The following RAP1GAP2 variants were observed in gnomAD, a reference collection of about 807,000 sequenced individuals.
RAP1GAP2 encodes the protein RAP1 GTPase activating protein 2, also known as rap1 GTPase-activating protein 2.
Under a neutral mutation model 95.0 loss-of-function variants are expected in RAP1GAP2, and 27 were observed. The ratio of observed to expected loss-of-function variants is 0.28; its 90% CI spans 0.21 to 0.39. The LOEUF is 0.39. RAP1GAP2 is among the 10% of genes least tolerant of loss of function. The pLI, the probability that RAP1GAP2 is intolerant of heterozygous loss-of-function variation, is 1.00. For synonymous variants in RAP1GAP2, 373 were observed against 380.9 expected (o/e 0.98, Z 0.24); for missense variants, 771 against 970.0 (o/e 0.79, Z 2.72).
At chr17:2,883,656 A>G (rs564251651) in intron 2 of RAP1GAP2, among the ~76,000 whole-genome samples, 6 of 152,030 alleles carry the variant, frequency 3.9e-5, no homozygotes, top group East Asian at 3.9e-4. Context: ...TGTCTCTTCT[A>G]TCTGCGGCCT....
At chr17:2,978,278 G>T (rs1034394278) in intron 8 of RAP1GAP2, among the ~76,000 whole-genome samples, 9 of 152,122 alleles carry the variant, frequency 5.9e-5, no homozygotes, top group African/African-American at 2.2e-4. Flanking sequence ...TATCCAAAGT[G>T]CCAGCCTCAC....
chr17:3,006,887 G>A (rs971202422), intron 16 of RAP1GAP2, among the ~76,000 whole-genome samples: 34 of 152,268 alleles, frequency 2.2e-4, no homozygotes, highest in Admixed American at 2.2e-3. Context: ...TTATAGTACA[G>A]TGTGCCAGCA....
At position 2,965,242 on chromosome 17, in the gene RAP1GAP2, G is replaced by A. The variant is rs1408682271; in HGVS notation, c.493-298G>A. 2.4e-6 allele frequency: 1 copy of A among 421,158 alleles called. No homozygotes were observed. The highest frequency in any genetic ancestry group is 2.0e-5 in the African/African-American group (1 of 49,970). The allele number at this position is 421,158 out of a possible 1,614,324, so 26.1% of individuals were successfully genotyped here. A position where few individuals can be genotyped will look rare whatever the true frequency, so the allele number is the denominator to read the frequency against. On this transcript the variant is annotated intron_variant, in intron 7 of 24. Coordinates refer to ENST00000254695, the MANE Select transcript of RAP1GAP2 (RefSeq NM_015085.5). This position sits in a 1 kb window ranked among gnomAD's most constrained non-coding sequence, Gnocchi z 4.7. ...CTTACTCATCGTGTCATCCTGGGCA[G>A]TGACTTAACCCCCCGACCATTGGTT... is the stretch of plus-strand genomic sequence containing the variant.
chr17:2,862,197 T>C (rs1030513502), intron 2 of RAP1GAP2, among the ~76,000 whole-genome samples: 4 of 152,310 alleles, frequency 2.6e-5, no homozygotes, highest in Non-Finnish European at 5.9e-5. Context: ...GGGCTCTTCT[T>C]GACACTGCGT....
chr17:2,831,708 G>GGCA (rs1437370737), intron 2 of RAP1GAP2, among the ~76,000 whole-genome samples: 1 of 151,600 alleles, frequency 6.6e-6, no homozygotes, highest in Non-Finnish European at 1.5e-5. Context: ...CTGGTGGGGG[G>GGCA]GCAGCATGAC....
intron 1 of RAP1GAP2, 66 bp from the exon 2 acceptor site, chr17:2,800,449 A>C (rs370632737): frequency 9.3e-7 from 1 of 1,080,488 alleles, no homozygotes; most frequent in African/African-American, 1.5e-5. Context: ...GGACTCCTCC[A>C]TACAGATGCT....
upstream of RAP1GAP2, among the ~76,000 whole-genome samples, chr17:2,793,438 A>G (rs178572): frequency 0.95 from 144,657 of 152,276 alleles, 69,150 homozygotes; most frequent in Non-Finnish European, 1. Context: ...ACAGGCGTGA[A>G]CCACTGCACC....
intron 1 of RAP1GAP2, among the ~76,000 whole-genome samples, chr17:2,760,292 C>CAAAAAA (rs374784170): frequency 3.7e-4 from 22 of 59,148 alleles, no homozygotes; most frequent in African/African-American, 5.6e-4. Flanking sequence ...GACTCTGTCT[C>CAAAAAA]AAAAAAAAAA....
intron 12 of RAP1GAP2, among the ~76,000 whole-genome samples, chr17:2,993,653 G>C (rs1373429849): frequency 6.6e-6 from 1 of 152,126 alleles, no homozygotes; most frequent in Admixed American, 6.5e-5. Flanking sequence ...TTCAGGGCTA[G>C]CTAGTCACGA....
At chr17:2,915,830 T>C (rs8078312) in intron 3 of RAP1GAP2, among the ~76,000 whole-genome samples, 28,629 of 152,024 alleles carry the variant, frequency 0.19, 3,187 homozygotes, top group East Asian at 0.33. Flanking sequence ...TTCGAATAGC[T>C]GGAACTACAG....
rs190403253 is a variant in RAP1GAP2, at chr17:2,985,102, G to A, written c.813+36G>A. 3.2e-5 allele frequency: 52 copies of A among 1,611,884 alleles called. No individual in the cohort carries two copies. In the East Asian group the frequency reaches 9.1e-4, roughly 28 times the overall value. On this transcript the variant is annotated intron_variant, in intron 11 of 24. Coordinates refer to ENST00000254695, the MANE Select transcript of RAP1GAP2 (RefSeq NM_015085.5). ...CCATCCATACCGGTGACTGTATCCC[G>A]TGGTTTCTCACTTAGGACTCTTTTT...
intron 2 of RAP1GAP2, among the ~76,000 whole-genome samples, chr17:2,888,210 T>C (rs2151687693): frequency 6.6e-6 from 1 of 152,370 alleles, no homozygotes; most frequent in South Asian, 2.1e-4. Flanking sequence ...ATACAATGTG[T>C]AATCATCAAA....
chr17:2,837,253 G>GA (rs35688344), intron 2 of RAP1GAP2, among the ~76,000 whole-genome samples: 5,750 of 112,628 alleles, frequency 0.051, 349 homozygotes, highest in African/African-American at 0.15. Flanking sequence ...TCTGTCTCTG[G>GA]AAAAAAAAAA....
intron 1 of RAP1GAP2, among the ~76,000 whole-genome samples, chr17:2,755,965 C>T (rs1212737844): frequency 6.6e-6 from 1 of 151,686 alleles, no homozygotes; most frequent in Non-Finnish European, 1.5e-5. Context: ...CGCGCCGGGT[C>T]TCTGCGGCTC....
At position 2,827,435 on chromosome 17, in the gene RAP1GAP2, G is replaced by A. The variant is rs2070620138; in HGVS notation, c.80+26885G>A. ...CCAGTCCTGCGAAGGAAATAGAACA[G>A]TGAGGCGATGAGGGTGGGGCTCGGG... On this transcript the variant is annotated intron_variant, in intron 2 of 24. Transcript: ENST00000254695. This position sits in a 1 kb window ranked among gnomAD's most constrained non-coding sequence, Gnocchi z 4.1. Among the ~76,000 whole-genome samples, 1 of 151,994 alleles carries A rather than the reference G, an allele frequency of 6.6e-6. No individual in the cohort carries two copies. Among genetic ancestry groups the A allele is most frequent in the African/African-American group, 2.4e-5 (1 of 41,386 alleles).
chr17:2,936,461 C>A (rs900249872), intron 3 of RAP1GAP2, among the ~76,000 whole-genome samples: 1 of 151,824 alleles, frequency 6.6e-6, no homozygotes, highest in Non-Finnish European at 1.5e-5. Flanking sequence ...CACAGACAAA[C>A]GCACTCACCT....
intron 3 of RAP1GAP2, among the ~76,000 whole-genome samples, chr17:2,909,626 C>A (rs2042306764): frequency 6.6e-6 from 1 of 152,212 alleles, no homozygotes; most frequent in South Asian, 2.1e-4. Context: ...CGGGAGGGGC[C>A]TCAGGCAGGC....
At chr17:3,028,651 C>T (rs1440601227) in intron 22 of RAP1GAP2, among the ~76,000 whole-genome samples, 2 of 152,178 alleles carry the variant, frequency 1.3e-5, no homozygotes, top group Non-Finnish European at 2.9e-5. Context: ...GCGTGTTTCT[C>T]AGTGAGTGGA....
At chr17:2,994,143 G>C (rs1175661911) in intron 12 of RAP1GAP2, among the ~76,000 whole-genome samples, 1 of 152,130 alleles carries the variant, frequency 6.6e-6, no homozygotes. Flanking sequence ...TTATTTTATG[G>C]AGGCCTAGAG....
Sources: allele counts gnomAD v4.1 joint callset (sites outside exome capture counted in the v4.1 genomes callset), GRCh38; gene constraint gnomAD v4.1.1; non-coding constraint Gnocchi (gnomAD v3.1); transcripts MANE v1.5; gene names NCBI Gene and HGNC (gene_info 2026-07-23, HGNC 2026-07-21).